Variants in CNTN5 observed in about 807,000 individuals in gnomAD.
CNTN5 encodes contactin 5.
CNTN5 carries 77 observed loss-of-function variants against 129.1 expected under a neutral mutation model. The ratio of observed to expected loss-of-function variants is 0.60; its 90% confidence interval spans 0.50 to 0.72. CNTN5 has a LOEUF of 0.72. Among genes scored for constraint, CNTN5 ranks in the 30% least tolerant of loss-of-function variants. The probability of loss-of-function intolerance (pLI) is 0.00; values close to 1 mark genes in which losing one functional copy is unlikely to be tolerated. For missense variants in CNTN5, 1,478 were observed against 1,328.8 expected (o/e 1.11, Z -1.75); for synonymous variants, 509 against 465.6 (o/e 1.09, Z -1.20).
chr11:99,407,182 T>G (rs952506636), intron 2 of CNTN5, among the ~76,000 whole-genome samples: 9 of 151,670 alleles, frequency 5.9e-5, no homozygotes, highest in African/African-American at 2.2e-4. Flanking sequence ...AACCGGCAAA[T>G]CTCAGAGTCT....
Position 99,322,423 on chromosome 11 carries a change from T to C in CNTN5, c.-209-2923T>C, listed in dbSNP as rs571059823. ...CAAAAAATTATCAGGAAAACTTTTT[T>C]AAAAATCTCATATCTAAACCAGGAT... On this transcript the variant is annotated intron_variant, in intron 1 of 24. Transcript: ENST00000524871. 5.9e-5 allele frequency among the ~76,000 whole-genome samples: 9 copies of C among 152,236 alleles called. No homozygotes were observed. In the South Asian group the frequency reaches 1.9e-3, roughly 32 times the overall value.
chr11:100,031,999 C>G (rs796826482), intron 9 of CNTN5, among the ~76,000 whole-genome samples: 1 of 152,154 alleles, frequency 6.6e-6, no homozygotes, highest in African/African-American at 2.4e-5. Context: ...CTCAACCTGC[C>G]GATCCACATA....
intron 2 of CNTN5, among the ~76,000 whole-genome samples, chr11:99,397,882 T>A (rs1287063379): frequency 2.6e-5 from 4 of 151,900 alleles, no homozygotes; most frequent in Admixed American, 2.0e-4. Flanking sequence ...ATATTGTTGC[T>A]TTTATGGTCT....
chr11:99,193,432 C>T (rs1253109974), intron 1 of CNTN5, among the ~76,000 whole-genome samples: 1 of 152,018 alleles, frequency 6.6e-6, no homozygotes, highest in Non-Finnish European at 1.5e-5. Flanking sequence ...AATCAAGGAC[C>T]CTGGCCTTAT....
intron 1 of CNTN5, among the ~76,000 whole-genome samples, chr11:99,202,659 G>C (rs919029124): frequency 6.6e-6 from 1 of 151,632 alleles, no homozygotes; most frequent in African/African-American, 2.4e-5. Flanking sequence ...GGTTGTTTTT[G>C]TTTTTTACTA....
intron 16 of CNTN5, among the ~76,000 whole-genome samples, chr11:100,233,326 GA>G (rs1215079545): frequency 2.0e-5 from 3 of 151,854 alleles, no homozygotes. Context: ...TAAGAAACAA[GA>G]GAATGGCGTG....
At chr11:99,034,570 G>A (rs1306384917) in intron 1 of CNTN5, among the ~76,000 whole-genome samples, 1,720 of 151,580 alleles carry the variant, frequency 0.011, 31 homozygotes, top group African/African-American at 0.04. Flanking sequence ...GGTGTTTGTA[G>A]TATTCTCTGA....
intron 13 of CNTN5, among the ~76,000 whole-genome samples, chr11:100,178,977 T>C (rs1948054103): frequency 1.3e-5 from 2 of 152,158 alleles, no homozygotes; most frequent in African/African-American, 4.8e-5. Context: ...CAGAGGCATA[T>C]ACAAGTATGG....
At chr11:100,259,863 C>T (rs1950159954) in intron 17 of CNTN5, among the ~76,000 whole-genome samples, 1 of 151,402 alleles carries the variant, frequency 6.6e-6, no homozygotes, top group African/African-American at 2.4e-5. Flanking sequence ...AAATTCAACA[C>T]CATAAAATCA....
chr11:99,142,368 G>C (rs1859563959), intron 1 of CNTN5, among the ~76,000 whole-genome samples: 1 of 152,138 alleles, frequency 6.6e-6, no homozygotes, highest in African/African-American at 2.4e-5. Flanking sequence ...CTGCAGGTGA[G>C]TGCATGCCGG....
chr11:99,648,178 T>G (rs557583173), intron 3 of CNTN5, among the ~76,000 whole-genome samples: 1 of 152,094 alleles, frequency 6.6e-6, no homozygotes, highest in African/African-American at 2.4e-5. Flanking sequence ...CTATTGAAAT[T>G]ATTACGTGGT....
chr11:100,225,410 G>A lies in CNTN5; in HGVS notation c.2005+598G>A, dbSNP rs17705099. 1,218 of 152,212 alleles carry A rather than the reference G, an allele frequency of 8.0e-3. 9 individuals carry two copies. The highest frequency in any genetic ancestry group is 0.012 in the Non-Finnish European group (824 of 67,998). 9.4% of individuals were successfully genotyped at this position (152,212 alleles called of 1,614,324 possible). A position where few individuals can be genotyped will look rare whatever the true frequency, so the allele number is the denominator to read the frequency against. ...GCTACATCTTAAGCAAATGACTAGA[G>A]CACCCATTTCCTTTAGCACAGTATT... On this transcript the variant is annotated intron_variant, in intron 16 of 24. Transcript: ENST00000524871.
intron 2 of CNTN5, among the ~76,000 whole-genome samples, chr11:99,345,626 C>T (rs752263789): frequency 1.3e-5 from 2 of 152,034 alleles, no homozygotes; most frequent in Admixed American, 6.6e-5. Flanking sequence ...AGATTTGATC[C>T]GATGTCTAAA....
intron 3 of CNTN5, among the ~76,000 whole-genome samples, chr11:99,629,640 A>G (rs1304573640): frequency 6.7e-6 from 1 of 150,114 alleles, no homozygotes; most frequent in Admixed American, 6.8e-5. Context: ...AAAAATTAAC[A>G]ATTGATGTAC....
chr11:99,345,875 A>T (rs1022905498), intron 2 of CNTN5, among the ~76,000 whole-genome samples: 6 of 152,196 alleles, frequency 3.9e-5, no homozygotes, highest in Admixed American at 1.3e-4. Context: ...TCCCAAAGGT[A>T]AGAGTAAGTA....
At chr11:100,301,767 C>G (rs1951225706) in intron 20 of CNTN5, among the ~76,000 whole-genome samples, 1 of 151,642 alleles carries the variant, frequency 6.6e-6, no homozygotes, top group African/African-American at 2.4e-5. Flanking sequence ...GTTTATTCAC[C>G]TCTCTGAGGC....
rs373298618 is a variant in CNTN5 at position 99,704,966 on chromosome 11, A to G, written c.56-114578A>G. ...ATTCCAATAATTATTTCCAAATAAC[A>G]CAGTCATTTGGACTCCGTTAGATTT... On this transcript the variant is annotated intron_variant, in intron 3 of 24. Transcript: ENST00000524871. Among the ~76,000 whole-genome samples, 11 of 151,328 alleles carry G rather than the reference A, an allele frequency of 7.3e-5. No homozygotes were observed. In the East Asian group the frequency reaches 1.8e-3, roughly 24 times the overall value.
At chr11:99,273,603 A>G (rs560255606) in intron 1 of CNTN5, among the ~76,000 whole-genome samples, 1 of 151,568 alleles carries the variant, frequency 6.6e-6, no homozygotes, top group Admixed American at 6.6e-5. Context: ...TTGTTCCCAA[A>G]TCTCTGTATC....
intron 1 of CNTN5, among the ~76,000 whole-genome samples, chr11:99,067,437 A>G (rs924252000): frequency 6.6e-6 from 1 of 152,140 alleles, no homozygotes; most frequent in Admixed American, 6.6e-5. Flanking sequence ...AAAAAAAAAA[A>G]AAAGGTGAAA....
Sources: allele counts gnomAD v4.1 joint callset (sites outside exome capture counted in the v4.1 genomes callset), GRCh38; gene constraint gnomAD v4.1.1; transcripts MANE v1.5; gene names NCBI Gene and HGNC (gene_info 2026-07-23, HGNC 2026-07-21).